ENOX1: variants seen among roughly 807,000 people sequenced by gnomAD.
ENOX1 encodes ecto-NOX disulfide-thiol exchanger 1, also known as candidate growth-related and time keeping constitutive hydroquinone (NADH) oxidase.
In ENOX1, 42 loss-of-function variants were observed where a neutral mutation model predicts 82.5. That is an observed-to-expected ratio of 0.51 (90% CI 0.40 to 0.66). ENOX1 has a LOEUF of 0.66. Ranked by LOEUF, ENOX1 falls within the 30% of genes least tolerant of loss-of-function variation. ENOX1 has a pLI of 0.00. For synonymous variants in ENOX1, 271 were observed against 282.2 expected (o/e 0.96, Z 0.40); for missense variants, 608 against 811.6 (o/e 0.75, Z 3.05).
intron 16 of ENOX1, among the ~76,000 whole-genome samples, chr13:43,221,444 A>G (rs1417073104): frequency 6.6e-6 from 1 of 152,174 alleles, no homozygotes; most frequent in Non-Finnish European, 1.5e-5. Flanking sequence ...AGTGCTGCCT[A>G]TTTTAAAGAG....
chr13:43,439,261 C>A (rs1402663252), intron 3 of ENOX1, among the ~76,000 whole-genome samples: 12 of 149,772 alleles, frequency 8.0e-5, no homozygotes, highest in Admixed American at 8.0e-4. Context: ...GAGACGGAGT[C>A]TCACTCTGTC....
chr13:43,484,283 A>G (rs2058612093), intron 2 of ENOX1, 131 bp from the exon 3 acceptor site: 2 of 399,716 alleles, frequency 5.0e-6, no homozygotes, highest in Non-Finnish European at 6.8e-6. Flanking sequence ...TGTACCCTAA[A>G]TCATCTTATT....
In ENOX1 at chr13:43,235,249, C is replaced by CA. The variant is rs971723253; in HGVS notation, c.1714+1386dup. Among the ~76,000 whole-genome samples, 50 of 147,568 alleles carry CA rather than the reference C, an allele frequency of 3.4e-4. 1 individual carries two copies. The South Asian group carries it at 5.8e-3, about 17-fold the overall frequency. ...TTATTACAGCTGTATATCATCAGAG[C>CA]AAAAAAAAAATAATTGGTTTTCCTG... On this transcript the variant is annotated intron_variant, in intron 15 of 16. Transcript: ENST00000690772.
chr13:43,311,131 C>T (rs1377030236), intron 11 of ENOX1, among the ~76,000 whole-genome samples: 1 of 151,894 alleles, frequency 6.6e-6, no homozygotes, highest in Non-Finnish European at 1.5e-5. Flanking sequence ...GAGACACACT[C>T]GACATAACAT....
intron 3 of ENOX1, among the ~76,000 whole-genome samples, chr13:43,449,100 TAA>T (rs1472876763): frequency 1.3e-5 from 2 of 152,246 alleles, no homozygotes; most frequent in Non-Finnish European, 2.9e-5. Context: ...GCTCCTTTTA[TAA>T]GAGTTTAGAG....
At chr13:43,587,358 A>C (rs1334478145) in intron 2 of ENOX1, among the ~76,000 whole-genome samples, 2 of 152,212 alleles carry the variant, frequency 1.3e-5, no homozygotes, top group Non-Finnish European at 2.9e-5. Context: ...TATTGTGTTT[A>C]AAATATGGAG....
intron 2 of ENOX1, among the ~76,000 whole-genome samples, chr13:43,501,719 A>G (rs1305790496): frequency 6.6e-6 from 1 of 151,300 alleles, no homozygotes; most frequent in African/African-American, 2.4e-5. Flanking sequence ...AAAATGAAAA[A>G]TATACTAAAA....
At chr13:43,589,326 G>A (rs1020267472) in intron 2 of ENOX1, among the ~76,000 whole-genome samples, 1 of 150,774 alleles carries the variant, frequency 6.6e-6, no homozygotes, top group South Asian at 2.1e-4. Context: ...CAGTGAAAGA[G>A]AGCACCAAAA....
chr13:43,222,121 T>C (rs1593406066), intron 16 of ENOX1, among the ~76,000 whole-genome samples: 1 of 152,150 alleles, frequency 6.6e-6, no homozygotes, highest in East Asian at 1.9e-4. Context: ...TCTTCATCAC[T>C]CTAAAATAAA....
rs5803203 is a variant in ENOX1 at position 43,696,795 on chromosome 13, C to CTT, written c.-284-29253_-284-29252dup. ...AGGACACATTTTTGAGATTCCTTTG[C>CTT]TTTTTTTTTTTTTTTAAGAATATAT... On this transcript the variant is annotated intron_variant, in intron 1 of 16. Transcript: ENST00000690772. Among the ~76,000 whole-genome samples, 647 of 140,662 alleles carry CTT rather than the reference C, an allele frequency of 4.6e-3. 3 individuals are homozygous for CTT. Among genetic ancestry groups the CTT allele is most frequent in the Admixed American group, 0.011 (162 of 14,150 alleles). The allele number at this position is 140,662 out of a possible 152,430, so 92.3% of individuals were successfully genotyped here.
chr13:43,361,986 A>C (rs1216064321), intron 5 of ENOX1, among the ~76,000 whole-genome samples: 1 of 151,980 alleles, frequency 6.6e-6, no homozygotes, highest in Non-Finnish European at 1.5e-5. Flanking sequence ...ATAAAAAAAA[A>C]AAAAAAAGCA....
chr13:43,661,525 A>G (rs1051211013), intron 2 of ENOX1, among the ~76,000 whole-genome samples: 4 of 152,212 alleles, frequency 2.6e-5, no homozygotes, highest in African/African-American at 4.8e-5. Context: ...CTGAATAAAG[A>G]GTAATGTTGT....
chr13:43,610,441 T>G (rs1446983202), intron 2 of ENOX1, among the ~76,000 whole-genome samples: 1 of 152,204 alleles, frequency 6.6e-6, no homozygotes, highest in East Asian at 1.9e-4. Flanking sequence ...CCATTCAAAA[T>G]GATATTTTTA....
intron 7 of ENOX1, chr13:43,359,590 C>CTAATGCACT: frequency 2.1e-6 from 1 of 471,308 alleles, no homozygotes; most frequent in Non-Finnish European, 3.9e-6. Flanking sequence ...TGCTTCTCAT[C>CTAATGCACT]TAATAAGCAC....
rs917532860 is a variant in ENOX1, at chr13:43,271,614, T to G, written c.1447-2037A>C. On this transcript the variant is annotated intron_variant, in intron 12 of 16. Coordinates refer to ENST00000690772, the MANE Select transcript of ENOX1 (RefSeq NM_001347969.2). ...ACTGTGAATAAATAAGAGGGAGAAG[T>G]GCATTGGAGTCTTCATTGCATCCGC... Among the ~76,000 whole-genome samples, 7 of 152,022 alleles carry G rather than the reference T, an allele frequency of 4.6e-5. No individual in the cohort carries two copies. In the South Asian group the frequency reaches 1.2e-3, roughly 27 times the overall value.
At chr13:43,434,380 T>C (rs1036699060) in intron 3 of ENOX1, among the ~76,000 whole-genome samples, 1 of 152,204 alleles carries the variant, frequency 6.6e-6, no homozygotes, top group Non-Finnish European at 1.5e-5. Flanking sequence ...TGCCTGGTGT[T>C]GCACATTGCC....
chr13:43,482,345 T>A (rs925033186), intron 3 of ENOX1, among the ~76,000 whole-genome samples: 2 of 152,092 alleles, frequency 1.3e-5, no homozygotes, highest in African/African-American at 4.8e-5. Flanking sequence ...ATGGATAAAC[T>A]AAGGTCATTA....
intron 12 of ENOX1, among the ~76,000 whole-genome samples, chr13:43,282,077 C>T (rs1163261255): frequency 6.6e-6 from 1 of 151,974 alleles, no homozygotes; most frequent in Non-Finnish European, 1.5e-5. Flanking sequence ...TTGTTAAAAC[C>T]TTCATTTTTC....
intron 1 of ENOX1, among the ~76,000 whole-genome samples, chr13:43,717,458 A>C (rs530733200): frequency 6.6e-6 from 1 of 152,288 alleles, no homozygotes; most frequent in South Asian, 2.1e-4. Flanking sequence ...AACCTAGGAA[A>C]TCCCTTCTCA....
Sources: allele counts gnomAD v4.1 joint callset (sites outside exome capture counted in the v4.1 genomes callset), GRCh38; gene constraint gnomAD v4.1.1; transcripts MANE v1.5; gene names NCBI Gene and HGNC (gene_info 2026-07-23, HGNC 2026-07-21).